PAM: variants seen among roughly 807,000 people sequenced by gnomAD.
The protein encoded by PAM is peptidyl-glycine alpha-amidating monooxygenase.
A neutral mutation model predicts 122.1 loss-of-function variants in PAM; 72 were observed. The observed-to-expected ratio is 0.59, with a 90% CI of 0.49 to 0.72. The LOEUF (loss-of-function observed/expected upper bound fraction) is 0.72. PAM is among the 30% of genes least tolerant of loss of function. The pLI, the probability that PAM is intolerant of heterozygous loss-of-function variation, is 0.00. For synonymous variants in PAM, 389 were observed against 404.4 expected, an observed-to-expected ratio of 0.96 and a Z score of 0.46; for missense variants, 1,106 against 1,183.7, an observed-to-expected ratio of 0.93 and a Z score of 0.96.
intron 1 of PAM, among the ~76,000 whole-genome samples, chr5:102,835,764 T>C (rs1458220388): frequency 1.3e-5 from 2 of 152,130 alleles, no homozygotes; most frequent in African/African-American, 4.8e-5. Flanking sequence ...ATTCAAGTTA[T>C]GTCAAAGAAA....
intron 16 of PAM, among the ~76,000 whole-genome samples, chr5:102,996,645 A>C (rs529263718): frequency 1.1e-4 from 17 of 152,314 alleles, no homozygotes; most frequent in African/African-American, 3.8e-4. Context: ...AGCCATCCCA[A>C]GTGAAAGGAT....
At chr5:102,766,019 C>A (rs1292211824) in intron 1 of PAM, among the ~76,000 whole-genome samples, 1 of 151,792 alleles carries the variant, frequency 6.6e-6, no homozygotes, top group Non-Finnish European at 1.5e-5. Context: ...AATACACATA[C>A]AAGAAAGGGT....
chr5:103,026,499 T>C (rs909114290), intron 24 of PAM, among the ~76,000 whole-genome samples: 2 of 152,210 alleles, frequency 1.3e-5, no homozygotes, highest in Admixed American at 1.3e-4. Context: ...AAAAATATAG[T>C]TAACTCTTCC....
chr5:102,771,593 C>T (rs895456847), intron 1 of PAM, among the ~76,000 whole-genome samples: 1 of 152,092 alleles, frequency 6.6e-6, no homozygotes, highest in African/African-American at 2.4e-5. Context: ...TGTCTGGTGG[C>T]TTGGTCTAGC....
At chr5:102,824,565 T>G (rs1773022018) in intron 1 of PAM, among the ~76,000 whole-genome samples, 1 of 152,206 alleles carries the variant, frequency 6.6e-6, no homozygotes, top group Non-Finnish European at 1.5e-5. Flanking sequence ...TATAATTAAT[T>G]GGTACCATGT....
intron 1 of PAM, among the ~76,000 whole-genome samples, chr5:102,841,189 C>A (rs1451381299): frequency 6.6e-6 from 1 of 152,030 alleles, no homozygotes; most frequent in Non-Finnish European, 1.5e-5. Flanking sequence ...AATGGAATTG[C>A]CTAATTCTTT....
intron 1 of PAM, among the ~76,000 whole-genome samples, chr5:102,813,443 T>G (rs1201831899): frequency 6.6e-6 from 1 of 152,206 alleles, no homozygotes; most frequent in African/African-American, 2.4e-5. Flanking sequence ...AACTAGGAAG[T>G]TATCCTACGT....
At chr5:102,996,201 G>C in intron 16 of PAM, among the ~76,000 whole-genome samples, 1 of 152,172 alleles carries the variant, frequency 6.6e-6, no homozygotes, top group African/African-American at 2.4e-5. Flanking sequence ...ATAAAGAACT[G>C]ATGAATTCCA....
chr5:102,883,278 G>T (rs971941371), intron 3 of PAM, among the ~76,000 whole-genome samples: 3 of 151,862 alleles, frequency 2.0e-5, no homozygotes, highest in African/African-American at 7.3e-5. Flanking sequence ...ATTTTGATGG[G>T]AATTGCATTG....
chr5:103,022,505 G>A (rs544761651), intron 23 of PAM, among the ~76,000 whole-genome samples: 21 of 152,112 alleles, frequency 1.4e-4, no homozygotes, highest in South Asian at 4.1e-4. Flanking sequence ...ATTTCTAAAC[G>A]CATTGCTTTA....
At chr5:102,814,992 G>A (rs79903974) in intron 1 of PAM, among the ~76,000 whole-genome samples, 2,093 of 151,886 alleles carry the variant, frequency 0.014, 53 homozygotes, top group African/African-American at 0.048. Flanking sequence ...TTTACAATGA[G>A]CTGTTCTAAA....
chr5:103,021,073 C>T (rs1464645613), intron 23 of PAM, among the ~76,000 whole-genome samples: 2 of 152,114 alleles, frequency 1.3e-5, no homozygotes, highest in African/African-American at 4.8e-5. Context: ...AGAGCAGAAA[C>T]AATGGGCTAT....
At chr5:102,868,877 T>C (rs115810648) in intron 3 of PAM, among the ~76,000 whole-genome samples, 2,867 of 152,286 alleles carry the variant, frequency 0.019, 87 homozygotes, top group African/African-American at 0.063. Flanking sequence ...CAGAAAGAGA[T>C]CTTAGAGGAA....
At position 102,758,068 on chromosome 5, in the gene PAM, ATTTTGT is replaced by A. The variant is rs1561362102; in HGVS notation, c.-374+2725_-374+2730del. 3.2e-4 allele frequency among the ~76,000 whole-genome samples: 28 copies of A among 87,622 alleles called. 2 individuals carry two copies. The highest frequency in any genetic ancestry group is 9.5e-4 in the African/African-American group (22 of 23,108). 57.5% of individuals were successfully genotyped at this position (87,622 alleles called of 152,430 possible). A position where few individuals can be genotyped will look rare whatever the true frequency, so the allele number is the denominator to read the frequency against. On this transcript the variant is annotated intron_variant, in intron 1 of 25. Transcript: ENST00000438793. The stretch of plus-strand genomic sequence containing the variant: ...AAAAAAAAAAAAAAAAAGACTTAGA[ATTTTGT>A]TTTTTTTTTTTTTTTTTTTTTTTTT...
At chr5:102,938,372 A>T (rs1041284991) in intron 7 of PAM, among the ~76,000 whole-genome samples, 19 of 152,206 alleles carry the variant, frequency 1.2e-4, no homozygotes, top group African/African-American at 4.6e-4. Flanking sequence ...TTATGAGAAG[A>T]TATGTAAAGC....
chr5:102,845,066 C>T (rs1176996375), intron 1 of PAM, among the ~76,000 whole-genome samples: 1 of 152,250 alleles, frequency 6.6e-6, no homozygotes, highest in Admixed American at 6.5e-5. Context: ...GTTCCTCGTT[C>T]AGTCTTGAGT....
intron 7 of PAM, among the ~76,000 whole-genome samples, chr5:102,945,450 TTATA>T (rs1267322576): frequency 6.7e-6 from 1 of 149,456 alleles, no homozygotes; most frequent in Non-Finnish European, 1.5e-5. Context: ...TTCATATAGC[TTATA>T]TAAACTATAT....
chr5:102,789,860 A>G (rs2431529), intron 1 of PAM, among the ~76,000 whole-genome samples: 45,188 of 151,934 alleles, frequency 0.3, 7,125 homozygotes, highest in Non-Finnish European at 0.35. Flanking sequence ...AAGTAATAAA[A>G]TGCTTCCAGT....
intron 1 of PAM, among the ~76,000 whole-genome samples, chr5:102,756,568 A>G (rs1486040832): frequency 1.3e-5 from 2 of 152,242 alleles, no homozygotes; most frequent in Non-Finnish European, 2.9e-5. Context: ...ATTTAGCTCA[A>G]ATAACATGTG....
Sources: gnomAD v4.1 joint callset for allele counts (sites outside exome capture counted in the v4.1 genomes callset) on GRCh38, gnomAD v4.1.1 for gene constraint, MANE v1.5 for transcripts, NCBI Gene and HGNC (gene_info 2026-07-23, HGNC 2026-07-21) for gene names.